The following PPEF1 variants were observed in gnomAD, a reference collection of about 807,000 sequenced individuals.
PPEF1 encodes protein phosphatase with EF-hand domain 1, also known as serine/threonine-protein phosphatase with EF-hands 1.
A neutral mutation model predicts 53.3 loss-of-function variants in PPEF1; 12 were observed. That is an observed-to-expected ratio of 0.23 (90% CI 0.14 to 0.36). The LOEUF is 0.36. Ranked by LOEUF, PPEF1 falls within the 10% of genes least tolerant of loss-of-function variation. The pLI is 1.00. For missense variants in PPEF1, 334 were observed against 490.4 expected (o/e 0.68, Z 3.01); for synonymous variants, 165 against 176.7 (o/e 0.93, Z 0.52).
intron 6 of PPEF1, among the ~76,000 whole-genome samples, chrX:18,701,856 G>A (rs935402931): frequency 8.9e-6 from 1 of 112,326 alleles, no homozygotes; most frequent in Non-Finnish European, 1.9e-5. Flanking sequence ...ACACACTTTG[G>A]AAAACCTGGC....
At chrX:18,708,058 C>T (rs751816166) in intron 1 of PPEF1, among the ~76,000 whole-genome samples, 3 of 112,136 alleles carry the variant, frequency 2.7e-5, no homozygotes, top group East Asian at 2.8e-4. Flanking sequence ...TAATTTCATT[C>T]GATAATGTAC....
intron 2 of PPEF1, among the ~76,000 whole-genome samples, chrX:18,732,787 A>G (rs1195582442): frequency 8.9e-6 from 1 of 112,439 alleles, no homozygotes; most frequent in Non-Finnish European, 1.9e-5. Context: ...CCTGGTGGCC[A>G]TAGAGCCAGT....
intron 12 of PPEF1, among the ~76,000 whole-genome samples, chrX:18,807,648 C>T (rs745871076): frequency 8.9e-6 from 1 of 111,825 alleles, no homozygotes; most frequent in South Asian, 3.7e-4. Flanking sequence ...AAGAGAAAGA[C>T]GATAAACAAT....
At chrX:18,681,622 A>G (rs1462810794), upstream of PPEF1, among the ~76,000 whole-genome samples, 1 of 111,816 alleles carries the variant, frequency 8.9e-6, no homozygotes, top group African/African-American at 3.2e-5. Flanking sequence ...ATTGCGTTAT[A>G]TTAGGGCTCT....
At chrX:18,809,629 TG>T (rs1364334397) in intron 12 of PPEF1, among the ~76,000 whole-genome samples, 2 of 106,593 alleles carry the variant, frequency 1.9e-5, no homozygotes, top group Admixed American at 2.0e-4. Context: ...CACTTGAGCC[TG>T]GAAGGTCAAG....
chrX:18,721,121 T>C (rs2147335496), intron 1 of PPEF1, among the ~76,000 whole-genome samples: 1 of 111,764 alleles, frequency 8.9e-6, no homozygotes, highest in East Asian at 2.8e-4. Context: ...CAGCCCTCTC[T>C]TGTCTTCCCT....
intron 1 of PPEF1, among the ~76,000 whole-genome samples, chrX:18,708,777 A>G (rs918605287): frequency 8.9e-6 from 1 of 112,180 alleles, no homozygotes; most frequent in East Asian, 2.8e-4. Context: ...GTAGGAAGGG[A>G]CATAGGAGGT....
intron 8 of PPEF1, among the ~76,000 whole-genome samples, chrX:18,783,315 G>A (rs745410159): frequency 3.0e-4 from 33 of 109,890 alleles, no homozygotes; most frequent in African/African-American, 1.1e-3. Flanking sequence ...CGGTTGCTTG[G>A]TTTGCATATG....
chrX:18,735,400 C>T (rs2044951775), intron 3 of PPEF1, among the ~76,000 whole-genome samples: 1 of 111,975 alleles, frequency 8.9e-6, no homozygotes, highest in Non-Finnish European at 1.9e-5. Flanking sequence ...TTCCCCATTT[C>T]TTGTGTTTGT....
At position 18,710,998 on chromosome X, in the gene PPEF1, G is replaced by GTGTA. The variant is rs770400282; in HGVS notation, c.46+3173_46+3174insGTAT. 7.3e-3 allele frequency among the ~76,000 whole-genome samples: 794 copies of GTGTA among 108,918 alleles called. 5 individuals are homozygous for GTGTA. Among genetic ancestry groups the GTGTA allele is most frequent in the African/African-American group, 0.025 (744 of 29,889 alleles). 94.6% of individuals were successfully genotyped at this position (108,918 alleles called of 115,157 possible). On this transcript the variant is annotated intron_variant, in intron 1 of 15. Transcript: ENST00000470157. ...TATGTATATGTAAGTGTGTGTGTGT[G>GTGTA]TATATATGTGTGTGTGTGTATGTGT... is the stretch of plus-strand genomic sequence containing the variant.
chrX:18,714,161 A>G (rs1222797048), intron 1 of PPEF1, among the ~76,000 whole-genome samples: 2 of 111,120 alleles, frequency 1.8e-5, no homozygotes, highest in Non-Finnish European at 3.8e-5. Context: ...CATAATCTAC[A>G]TATGTTTTAT....
At chrX:18,727,606 T>C (rs1016016771) in intron 1 of PPEF1, among the ~76,000 whole-genome samples, 2 of 110,401 alleles carry the variant, frequency 1.8e-5, no homozygotes, top group East Asian at 5.7e-4. Context: ...TAATTCAGAT[T>C]CTGACATTAT....
At chrX:18,739,424 T>TA (rs1239308024) in intron 3 of PPEF1, among the ~76,000 whole-genome samples, 1 of 112,265 alleles carries the variant, frequency 8.9e-6, no homozygotes, top group Non-Finnish European at 1.9e-5. Flanking sequence ...TGCCTGAGTA[T>TA]CACCAGCAGA....
intron 12 of PPEF1, among the ~76,000 whole-genome samples, chrX:18,811,587 G>GTATATATATA (rs59907227): frequency 4.5e-5 from 2 of 43,997 alleles, no homozygotes; most frequent in Non-Finnish European, 8.5e-5. Flanking sequence ...CACTTATTCA[G>GTATATATATA]TATATATATA....
chrX:18,778,923 A>G, intron 6 of PPEF1, 87 bp from the exon 7 acceptor site: 2 of 899,626 alleles, frequency 2.2e-6, no homozygotes, highest in Non-Finnish European at 3.0e-6. Context: ...TCTTTTTTCC[A>G]TATTAACAGG....
intron 1 of PPEF1, among the ~76,000 whole-genome samples, chrX:18,683,709 G>A (rs925542408): frequency 8.9e-6 from 1 of 111,967 alleles, no homozygotes. Flanking sequence ...TCCTTGAAAG[G>A]AGGTAGACCC....
At chrX:18,739,211 CT>C (rs1234496249) in intron 3 of PPEF1, among the ~76,000 whole-genome samples, 1 of 112,548 alleles carries the variant, frequency 8.9e-6, no homozygotes, top group African/African-American at 3.2e-5. Context: ...AAGAGGCACT[CT>C]GAGTTTTAGA....
intron 10 of PPEF1, among the ~76,000 whole-genome samples, chrX:18,797,849 C>G (rs989216082): frequency 3.6e-5 from 4 of 110,915 alleles, no homozygotes; most frequent in Non-Finnish European, 7.5e-5. Flanking sequence ...CTACAGGCAC[C>G]TGCCACCACG....
intron 2 of PPEF1, among the ~76,000 whole-genome samples, chrX:18,733,439 G>A (rs2044884718): frequency 8.9e-6 from 1 of 111,993 alleles, no homozygotes; most frequent in African/African-American, 3.2e-5. Context: ...GAGCTGTCAA[G>A]TGTGAAATGC....
Sources: allele counts gnomAD v4.1 joint callset (sites outside exome capture counted in the v4.1 genomes callset), GRCh38; gene constraint gnomAD v4.1.1; transcripts MANE v1.5; gene names NCBI Gene and HGNC (gene_info 2026-07-23, HGNC 2026-07-21).